The following PPP2R2C variants were observed in gnomAD, a reference collection of about 807,000 sequenced individuals.
PPP2R2C encodes the protein protein phosphatase 2 regulatory subunit Bgamma.
In PPP2R2C, 10 loss-of-function variants were observed where a neutral mutation model predicts 45.3. That is an observed-to-expected ratio of 0.22 (90% CI 0.14 to 0.37). The LOEUF (loss-of-function observed/expected upper bound fraction) is 0.37, where lower values mean the gene tolerates loss of function less well. Among genes scored for constraint, PPP2R2C ranks in the 10% least tolerant of loss-of-function variants. The probability of loss-of-function intolerance (pLI) is 1.00; values close to 1 mark genes in which losing one functional copy is unlikely to be tolerated. For missense variants in PPP2R2C, 308 were observed against 619.7 expected, an observed-to-expected ratio of 0.50 and a Z score of 5.34; for synonymous variants, 257 against 245.4, an observed-to-expected ratio of 1.05 and a Z score of -0.44.
rs118017759 is a variant in PPP2R2C at position 6,527,024 on chromosome 4, A to G, written c.49+8247T>C. On this transcript the variant is annotated intron_variant, in intron 2 of 9. Coordinates refer to the PPP2R2C transcript ENST00000506140. ...GTGGGAGACGCCAACCACGGCTTCA[A>G]TGCGGAGGAGAAGGAGCCCAGGCTG... Among the ~76,000 whole-genome samples, 160 of 152,280 alleles carry G rather than the reference A, an allele frequency of 1.1e-3. 4 individuals carry two copies. In the East Asian group the frequency reaches 0.022, roughly 21 times the overall value.
intron 2 of PPP2R2C, among the ~76,000 whole-genome samples, chr4:6,505,702 A>G (rs1723203817): frequency 6.6e-6 from 1 of 152,240 alleles, no homozygotes; most frequent in African/African-American, 2.4e-5. Flanking sequence ...GTGGTGGCTC[A>G]CGCCTGTCAT....
At chr4:6,493,587 C>CTAGAT (rs1489013720) in intron 2 of PPP2R2C, among the ~76,000 whole-genome samples, 1 of 151,162 alleles carries the variant, frequency 6.6e-6, no homozygotes, top group Non-Finnish European at 1.5e-5. Flanking sequence ...CTGACACATA[C>CTAGAT]TAGATCGATC....
chr4:6,327,841 G>A (rs540117597), intron 8 of PPP2R2C, among the ~76,000 whole-genome samples: 11 of 152,244 alleles, frequency 7.2e-5, no homozygotes, highest in South Asian at 6.2e-4. Context: ...AGACCCCTGC[G>A]GGCTGGGGGA....
chr4:6,427,404 C>T (rs34969574), intron 1 of PPP2R2C, among the ~76,000 whole-genome samples: 34,592 of 152,202 alleles, frequency 0.23, 4,575 homozygotes, highest in Middle Eastern at 0.32. Flanking sequence ...GAGGCTCCCA[C>T]GTGGGGGCCC....
chr4:6,382,065 C>T lies in PPP2R2C; in HGVS notation c.71-971G>A, dbSNP rs4688999. On this transcript the variant is annotated intron_variant, in intron 1 of 8. Coordinates refer to ENST00000382599, the MANE Select transcript of PPP2R2C (RefSeq NM_020416.4). ...TGAAGCCTGAGGCCTGCTCCACCAA[C>T]AAGTTTTACTGCAGCCCCAAAATGA... The T allele has an allele frequency of 1.3e-5, 18 of 1,392,294 alleles. No homozygotes were observed. The African/African-American group carries it at 1.3e-4, about 10-fold the overall frequency. The allele number at this position is 1,392,294 out of a possible 1,614,324, so 86.2% of individuals were successfully genotyped here.
At chr4:6,530,795 G>A (rs4234757) in intron 2 of PPP2R2C, among the ~76,000 whole-genome samples, 148,025 of 152,292 alleles carry the variant, frequency 0.97, 72,089 homozygotes, top group East Asian at 1. Flanking sequence ...ACCACTGTAA[G>A]TGGCCATCCC....
intron 6 of PPP2R2C, among the ~76,000 whole-genome samples, chr4:6,342,407 T>C (rs1021807805): frequency 2.0e-5 from 3 of 152,198 alleles, no homozygotes; most frequent in Admixed American, 6.5e-5. Flanking sequence ...GGATGAATAC[T>C]ATAACACACC....
chr4:6,525,342 T>C (rs1724163690), intron 2 of PPP2R2C, among the ~76,000 whole-genome samples: 1 of 151,920 alleles, frequency 6.6e-6, no homozygotes, highest in Non-Finnish European at 1.5e-5. Flanking sequence ...GAGGCTCAGG[T>C]TGCAGTGAGG....
chr4:6,357,537 T>A (rs1485980502), intron 5 of PPP2R2C, among the ~76,000 whole-genome samples: 3 of 152,196 alleles, frequency 2.0e-5, no homozygotes, highest in Admixed American at 6.5e-5. Context: ...CCACGCACAG[T>A]GGATTTGCCC....
At chr4:6,397,899 T>A (rs1717151476) in intron 1 of PPP2R2C, among the ~76,000 whole-genome samples, 1 of 152,228 alleles carries the variant, frequency 6.6e-6, no homozygotes, top group Middle Eastern at 3.2e-3. Flanking sequence ...CCCCAGCTGA[T>A]ATAAAGATAC....
intron 6 of PPP2R2C, among the ~76,000 whole-genome samples, chr4:6,338,275 T>C (rs1408283167): frequency 6.6e-6 from 1 of 152,100 alleles, no homozygotes; most frequent in South Asian, 2.1e-4. Context: ...GAAATCTCCA[T>C]CCTGTTTCTT....
At chr4:6,339,302 G>A (rs550130134) in intron 6 of PPP2R2C, among the ~76,000 whole-genome samples, 4 of 152,304 alleles carry the variant, frequency 2.6e-5, no homozygotes, top group East Asian at 3.9e-4. Context: ...TCATCTTGGC[G>A]CCCCTGCCTA....
chr4:6,535,013 G>A (rs1474211153), intron 2 of PPP2R2C, among the ~76,000 whole-genome samples: 4 of 152,248 alleles, frequency 2.6e-5, no homozygotes, highest in African/African-American at 7.2e-5. Flanking sequence ...CCACAAGGAG[G>A]TGGCGCATGA....
In PPP2R2C at chr4:6,378,995, G is replaced by A. The variant is rs898761507; in HGVS notation, c.169-423C>T. Among the ~76,000 whole-genome samples, 2 of 151,406 alleles carry A rather than the reference G, an allele frequency of 1.3e-5. No individual in the cohort carries two copies. Among genetic ancestry groups the A allele is most frequent in the African/African-American group, 4.9e-5 (2 of 41,146 alleles). ...CAGAGCCGTGAGGTCACTCTCCGGC[G>A]AGCACCCCTCTGCCGAGGCCTGCCT... On this transcript the variant is annotated intron_variant, in intron 2 of 8. Transcript: ENST00000382599. This position sits in a 1 kb window ranked among gnomAD's most constrained non-coding sequence, Gnocchi z 5.2.
chr4:6,347,789 T>TAC, intron 6 of PPP2R2C, 57 bp downstream of exon 6: 6 of 1,033,616 alleles, frequency 5.8e-6, no homozygotes, highest in Non-Finnish European at 6.9e-6. Context: ...GGACAGGACA[T>TAC]CCCACCCGCC....
intron 2 of PPP2R2C, among the ~76,000 whole-genome samples, chr4:6,499,192 G>A (rs1224038975): frequency 6.6e-6 from 1 of 152,178 alleles, no homozygotes; most frequent in Non-Finnish European, 1.5e-5. Context: ...GTGCTTGGGT[G>A]TGTTGAGTGA....
intron 5 of PPP2R2C, among the ~76,000 whole-genome samples, chr4:6,357,509 C>T (rs576316529): frequency 6.6e-6 from 1 of 152,366 alleles, no homozygotes; most frequent in East Asian, 1.9e-4. Context: ...CAAAGGATGG[C>T]TATGTGCACA....
chr4:6,533,205 G>A (rs74907854), intron 2 of PPP2R2C, among the ~76,000 whole-genome samples: 357 of 152,242 alleles, frequency 2.3e-3, no homozygotes, highest in Middle Eastern at 0.017. Flanking sequence ...ACACATGCCC[G>A]AGACCCAGAA....
At chr4:6,335,356 G>A (rs1171962224) in intron 6 of PPP2R2C, among the ~76,000 whole-genome samples, 1 of 152,180 alleles carries the variant, frequency 6.6e-6, no homozygotes, top group Non-Finnish European at 1.5e-5. Context: ...GAGTGAAGTT[G>A]GGGAGAGATT....
Sources: allele counts gnomAD v4.1 joint callset (sites outside exome capture counted in the v4.1 genomes callset), GRCh38; gene constraint gnomAD v4.1.1; non-coding constraint Gnocchi (gnomAD v3.1); transcripts MANE v1.5; gene names NCBI Gene and HGNC (gene_info 2026-07-23, HGNC 2026-07-21).